The following MAP3K1 variants were observed in gnomAD, a reference collection of about 807,000 sequenced individuals.
MAP3K1 encodes the protein mitogen-activated protein kinase kinase kinase 1.
In MAP3K1, 36 loss-of-function variants were observed where a neutral mutation model predicts 144.2. The ratio of observed to expected loss-of-function variants is 0.25; its 90% CI spans 0.19 to 0.33. The LOEUF is 0.33. Among genes scored for constraint, MAP3K1 ranks in the 10% least tolerant of loss-of-function variants. The pLI, the probability that MAP3K1 is intolerant of heterozygous loss-of-function variation, is 1.00. For synonymous variants in MAP3K1, 718 were observed against 688.7 expected, an observed-to-expected ratio of 1.04 and a Z score of -0.67; for missense variants, 1,650 against 1,881.9, an observed-to-expected ratio of 0.88 and a Z score of 2.28.
intron 1 of MAP3K1, among the ~76,000 whole-genome samples, chr5:56,818,465 C>A (rs766732855): frequency 6.6e-6 from 1 of 151,458 alleles, no homozygotes. Flanking sequence ...TTAGAATTTC[C>A]TTCTGATCTT....
At chr5:56,816,180 G>C in intron 1 of MAP3K1, 125 bp downstream of exon 1, 1 of 1,017,430 alleles carries the variant, frequency 9.8e-7, no homozygotes, top group Non-Finnish European at 1.2e-6. Context: ...CGCTCGCCGG[G>C]ACCTACGCCC....
At chr5:56,879,921 C>A (rs886755282) in intron 11 of MAP3K1, among the ~76,000 whole-genome samples, 2 of 152,194 alleles carry the variant, frequency 1.3e-5, no homozygotes, top group African/African-American at 4.8e-5. Context: ...CCTTTCTCTT[C>A]CTCTGCAAGT....
At chr5:56,868,674 G>A (rs766064937) in intron 6 of MAP3K1, among the ~76,000 whole-genome samples, 6 of 152,104 alleles carry the variant, frequency 3.9e-5, no homozygotes, top group African/African-American at 7.2e-5. Context: ...GTGAGCCACC[G>A]CGCCCGGCCG....
At chr5:56,837,833 T>C (rs766918445) in intron 1 of MAP3K1, among the ~76,000 whole-genome samples, 2 of 152,152 alleles carry the variant, frequency 1.3e-5, no homozygotes, top group Admixed American at 6.5e-5. Flanking sequence ...AGCAGTGCTC[T>C]TTGCTGAGTG....
chr5:56,882,996 C>A, intron 14 of MAP3K1, 130 bp downstream of exon 14: 1 of 726,508 alleles, frequency 1.4e-6, no homozygotes, highest in Non-Finnish European at 2.3e-6. Flanking sequence ...CGAAACTAGC[C>A]TGGTCAACAA....
chr5:56,888,033 A>G (rs1250740707), intron 18 of MAP3K1, 193 bp from the exon 19 acceptor site: 2 of 613,194 alleles, frequency 3.3e-6, no homozygotes, highest in African/African-American at 3.7e-5. Flanking sequence ...GAATCTCACA[A>G]TTCTCCAAAA....
intron 1 of MAP3K1, among the ~76,000 whole-genome samples, chr5:56,825,251 A>C (rs1281669877): frequency 6.6e-6 from 1 of 152,096 alleles, no homozygotes; most frequent in Non-Finnish European, 1.5e-5. Context: ...GACCTCAGGT[A>C]ATCCACCCGC....
In MAP3K1 at chr5:56,834,338, G is replaced by A. The variant is rs1484498005; in HGVS notation, c.482+18283G>A. ...GTTTAATTCTTGTGTTCTCTAGCTA[G>A]TTATTGATTACTTGTAGCTAATTTC... is the stretch of plus-strand genomic sequence containing the variant. On this transcript the variant is annotated intron_variant, in intron 1 of 19. Coordinates refer to ENST00000399503, the MANE Select transcript of MAP3K1 (RefSeq NM_005921.2). Among the ~76,000 whole-genome samples, 4 of 152,214 alleles carry A rather than the reference G, an allele frequency of 2.6e-5. No homozygotes were observed. The East Asian group carries it at 5.8e-4, about 22-fold the overall frequency.
At chr5:56,876,374 C>A (rs1025900233) in intron 10 of MAP3K1, among the ~76,000 whole-genome samples, 1 of 151,656 alleles carries the variant, frequency 6.6e-6, no homozygotes, top group Admixed American at 6.6e-5. Flanking sequence ...TAATTCTTAT[C>A]TAGTCTGTTC....
intron 19 of MAP3K1, among the ~76,000 whole-genome samples, chr5:56,892,245 C>T (rs921824418): frequency 6.6e-6 from 1 of 152,220 alleles, no homozygotes; most frequent in African/African-American, 2.4e-5. Context: ...AGGTCCTTCA[C>T]ATCCCTTGTA....
At chr5:56,892,529 A>G (rs1357212543) in intron 19 of MAP3K1, among the ~76,000 whole-genome samples, 1 of 152,262 alleles carries the variant, frequency 6.6e-6, no homozygotes, top group Admixed American at 6.5e-5. Flanking sequence ...AAGAGAATTC[A>G]AAAGACAAAT....
chr5:56,837,342 T>C (rs1431864238), intron 1 of MAP3K1, among the ~76,000 whole-genome samples: 1 of 152,100 alleles, frequency 6.6e-6, no homozygotes, highest in Non-Finnish European at 1.5e-5. Context: ...TTCACTGAAA[T>C]ATATATGAGT....
intron 1 of MAP3K1, among the ~76,000 whole-genome samples, chr5:56,855,554 AT>A (rs571477544): frequency 2.6e-5 from 4 of 151,584 alleles, no homozygotes; most frequent in East Asian, 1.9e-4. Context: ...TCTAGTGAAT[AT>A]TTTTTTTTAA....
Position 56,815,628 on chromosome 5 carries a change from G to T in MAP3K1, c.55G>T (p.Ala19Ser), listed in dbSNP as rs919980796. 1 of 1,323,040 alleles carries T rather than the reference G, an allele frequency of 7.6e-7. No individual in the cohort carries two copies. The highest frequency in any genetic ancestry group is 9.6e-7 in the Non-Finnish European group (1 of 1,037,410). The allele number at this position is 1,323,040 out of a possible 1,614,324, so 82.0% of individuals were successfully genotyped here. Residue 19 changes from alanine to serine, a missense_variant, in exon 1 of 20, where the codon GCT becomes TCT. Ala to Ser is a moderately conservative substitution (Grantham distance 99). Around this residue, in one of 6 missense-constraint regions of MAP3K1, gnomAD observed 360 missense variants for 274.7 expected, o/e 1.31. Coordinates refer to ENST00000399503, the MANE Select transcript of MAP3K1 (RefSeq NM_005921.2). ...GTCGTCGGGATTCCCGGGCGCCAGG[G>T]CTACGAGCCCTGAGGCAGGCGGCGG... The part of the protein sequence containing the change: ...ASSSGFPGAR[A>S]TSPEAGGGGG...
Position 56,821,510 on chromosome 5 carries a change from A to T in MAP3K1, c.482+5455A>T, listed in dbSNP as rs145504292. 2.9e-3 allele frequency among the ~76,000 whole-genome samples: 446 copies of T among 152,340 alleles called. 2 individuals carry two copies. The highest frequency in any genetic ancestry group is 0.024 in the Middle Eastern group (7 of 294). On this transcript the variant is annotated intron_variant, in intron 1 of 19. Coordinates refer to ENST00000399503, the MANE Select transcript of MAP3K1 (RefSeq NM_005921.2). The stretch of plus-strand genomic sequence containing the variant: ...GACATGGAGTGAGAACAGGGTCAGT[A>T]CTGGGGTGTAGGTGGAAGCTTTGCT...
chr5:56,828,968 G>A (rs1022390077), intron 1 of MAP3K1, among the ~76,000 whole-genome samples: 12 of 151,838 alleles, frequency 7.9e-5, no homozygotes, highest in Non-Finnish European at 1.6e-4. Context: ...TATATTTTGG[G>A]GGTTTTTTCA....
intron 3 of MAP3K1, among the ~76,000 whole-genome samples, chr5:56,863,996 G>A (rs1335104154): frequency 6.6e-6 from 1 of 152,134 alleles, no homozygotes. Flanking sequence ...CCATGGCAGC[G>A]TTTGTAAATT....
chr5:56,887,909 C>G, intron 18 of MAP3K1: 1 of 446,128 alleles, frequency 2.2e-6, no homozygotes, highest in South Asian at 2.3e-5. Context: ...GTTCTTCTGA[C>G]TCAGCTTCTT....
chr5:56,892,700 G>T (rs1358097068), intron 19 of MAP3K1, among the ~76,000 whole-genome samples: 1 of 152,100 alleles, frequency 6.6e-6, no homozygotes, highest in Non-Finnish European at 1.5e-5. Flanking sequence ...ATTATTTTTA[G>T]GAATGCATTT....
Sources: allele counts gnomAD v4.1 joint callset (sites outside exome capture counted in the v4.1 genomes callset), GRCh38; gene constraint gnomAD v4.1.1; regional missense constraint gnomAD v4.1.1; transcripts MANE v1.5; gene names NCBI Gene and HGNC (gene_info 2026-07-23, HGNC 2026-07-21).